The following GSE1 variants were observed in gnomAD, a reference collection of about 807,000 sequenced individuals.
GSE1 encodes genetic suppressor element 1.
In GSE1, 32 loss-of-function variants were observed where a neutral mutation model predicts 112.6. That is an observed-to-expected ratio of 0.28 (90% confidence interval 0.21 to 0.38). GSE1 has a LOEUF of 0.38. GSE1 is among the 10% of genes least tolerant of loss of function. The pLI is 1.00. For synonymous variants in GSE1, 1,115 were observed against 735.6 expected (o/e 1.52, Z -8.35); for missense variants, 2,348 against 1,699.2 (o/e 1.38, Z -6.71).
chr16:85,540,422 C>T (rs180891887), intron 2 of GSE1, among the ~76,000 whole-genome samples: 7 of 152,196 alleles, frequency 4.6e-5, no homozygotes, highest in African/African-American at 1.2e-4. Flanking sequence ...GGTCTCCTAT[C>T]GGATCCCCAA....
intron 2 of GSE1, among the ~76,000 whole-genome samples, chr16:85,359,999 A>G (rs752545623): frequency 3.9e-5 from 6 of 152,220 alleles, no homozygotes; most frequent in Non-Finnish European, 8.8e-5. Flanking sequence ...GTACCACCAC[A>G]GCCCAGCCTA....
At chr16:85,199,211 C>G (rs4073234) in intron 1 of GSE1, among the ~76,000 whole-genome samples, 1 of 152,038 alleles carries the variant, frequency 6.6e-6, no homozygotes, top group Non-Finnish European at 1.5e-5. Flanking sequence ...CCCGCCTCGG[C>G]TTCTCAGAGT....
chr16:85,271,931 C>T (rs1201216206), intron 1 of GSE1, among the ~76,000 whole-genome samples: 2 of 152,202 alleles, frequency 1.3e-5, no homozygotes, highest in African/African-American at 4.8e-5. Context: ...GGAGTGCCTT[C>T]GGGGGCTACG....
chr16:85,399,978 A>T (rs1214298977), intron 2 of GSE1, among the ~76,000 whole-genome samples: 2 of 152,192 alleles, frequency 1.3e-5, no homozygotes, highest in African/African-American at 2.4e-5. Context: ...ATGGAGTGTG[A>T]CCTGCCAAGT....
chr16:85,278,462 A>G (rs1317314684), intron 1 of GSE1, among the ~76,000 whole-genome samples: 1 of 152,234 alleles, frequency 6.6e-6, no homozygotes, highest in African/African-American at 2.4e-5. Flanking sequence ...TTTTAAAAAA[A>G]TCATTTGAGC....
In GSE1 at chr16:85,181,521, C is replaced by T. The variant is rs546175150; in HGVS notation, c.2283+9714C>T. Among the ~76,000 whole-genome samples, 6 of 152,294 alleles carry T rather than the reference C, an allele frequency of 3.9e-5. No homozygotes were observed. In the South Asian group the frequency reaches 6.2e-4, roughly 16 times the overall value. On this transcript the variant is annotated intron_variant, in intron 1 of 2. Transcript: ENST00000637419. Reference sequence around the variant, plus strand: ...CTGCCCCTGATTGAGCACAGGAGGCCGCCGTGCTCTCTCGCATCAGCTTTC... The same window carrying T: ...CTGCCCCTGATTGAGCACAGGAGGCTGCCGTGCTCTCTCGCATCAGCTTTC...
chr16:85,640,865 G>A (rs888267114), intron 2 of GSE1, among the ~76,000 whole-genome samples: 4 of 152,040 alleles, frequency 2.6e-5, no homozygotes, highest in East Asian at 3.8e-4. Context: ...TGAGCGCCGC[G>A]GGCGTCCTCA....
chr16:85,244,126 C>A (rs1353070123), intron 1 of GSE1, among the ~76,000 whole-genome samples: 1 of 151,776 alleles, frequency 6.6e-6, no homozygotes, highest in Non-Finnish European at 1.5e-5. Context: ...GACTCTGACT[C>A]CAAAAAAAAG....
chr16:85,311,289 G>T lies in GSE1; in HGVS notation c.2284-46174G>T, dbSNP rs764186396. 3.3e-5 allele frequency among the ~76,000 whole-genome samples: 5 copies of T among 152,240 alleles called. No homozygotes were observed. The highest frequency in any genetic ancestry group is 4.8e-5 in the African/African-American group (2 of 41,462). ...GGAGAGAGGGTGTGCCATCCTCTCT[G>T]CCAGGCAGCGGGCTCCCTGGACAGG... On this transcript the variant is annotated intron_variant, in intron 1 of 2. Coordinates refer to the GSE1 transcript ENST00000637419. This position sits in a 1 kb window ranked among gnomAD's most constrained non-coding sequence, Gnocchi z 4.2.
chr16:85,616,548 C>T (rs990178011), intron 1 of GSE1, among the ~76,000 whole-genome samples: 3 of 152,238 alleles, frequency 2.0e-5, no homozygotes, highest in Admixed American at 6.5e-5. Flanking sequence ...GTTGTGGCAA[C>T]AGCAGGGTCC....
intron 1 of GSE1, among the ~76,000 whole-genome samples, chr16:85,601,022 C>T (rs2047441653): frequency 6.6e-6 from 1 of 152,024 alleles, no homozygotes; most frequent in Non-Finnish European, 1.5e-5. Flanking sequence ...GTTAGAGCTG[C>T]CATCCAGGAG....
At chr16:85,668,656 G>A (rs1173163573) in intron 14 of GSE1, among the ~76,000 whole-genome samples, 11 of 152,210 alleles carry the variant, frequency 7.2e-5, no homozygotes. Flanking sequence ...TGCCAGCTCT[G>A]GTGGCACCTG....
intron 14 of GSE1, among the ~76,000 whole-genome samples, chr16:85,670,288 A>AGAC (rs2053224731): frequency 6.6e-6 from 1 of 152,138 alleles, no homozygotes; most frequent in Non-Finnish European, 1.5e-5. Context: ...AGTGCTGCCA[A>AGAC]AGAGAGGCAC....
chr16:85,602,746 C>T (rs1308604019), intron 1 of GSE1, among the ~76,000 whole-genome samples: 2 of 152,214 alleles, frequency 1.3e-5, no homozygotes, highest in African/African-American at 4.8e-5. Flanking sequence ...CAGTTCCTCC[C>T]GGGCTTTTGA....
In GSE1 at chr16:85,317,523, C is replaced by T. The variant is rs937169130; in HGVS notation, c.2284-39940C>T. Among the ~76,000 whole-genome samples, 8 of 152,276 alleles carry T rather than the reference C, an allele frequency of 5.3e-5. No homozygotes were observed. The South Asian group carries it at 6.2e-4, about 12-fold the overall frequency. On this transcript the variant is annotated intron_variant, in intron 1 of 2. Coordinates refer to the GSE1 transcript ENST00000637419. ...CCTGATCTGCACAGCCCCCGTGGTC[C>T]GTGGCAGGACTGAGCCCTGCTGCCC...
intron 1 of GSE1, among the ~76,000 whole-genome samples, chr16:85,187,167 G>A (rs2074721093): frequency 6.6e-6 from 1 of 152,218 alleles, no homozygotes; most frequent in Admixed American, 6.5e-5. Flanking sequence ...CAGGCTCTGT[G>A]GTGTCCAGGT....
intron 2 of GSE1, among the ~76,000 whole-genome samples, chr16:85,498,157 A>G (rs576736129): frequency 2.0e-5 from 3 of 150,858 alleles, no homozygotes; most frequent in East Asian, 1.9e-4. Context: ...CACAGTGCAC[A>G]CTCCCCCGTT....
intron 14 of GSE1, among the ~76,000 whole-genome samples, chr16:85,669,303 CTCTT>C (rs1415442244): frequency 6.6e-6 from 1 of 152,264 alleles, no homozygotes; most frequent in Non-Finnish European, 1.5e-5. Context: ...TCCTAGAGGA[CTCTT>C]TATCATCACA....
At chr16:85,504,240 C>T (rs1276446622) in intron 2 of GSE1, among the ~76,000 whole-genome samples, 1 of 152,228 alleles carries the variant, frequency 6.6e-6, no homozygotes, top group African/African-American at 2.4e-5. Flanking sequence ...GGGCCACCCC[C>T]AAAGCCCACG....
Sources: gnomAD v4.1 joint callset for allele counts (sites outside exome capture counted in the v4.1 genomes callset) on GRCh38, gnomAD v4.1.1 for gene constraint, Gnocchi (gnomAD v3.1) non-coding constraint, MANE v1.5 for transcripts, NCBI Gene and HGNC (gene_info 2026-07-23, HGNC 2026-07-21) for gene names.